CCT7: variants seen among roughly 807,000 people sequenced by gnomAD.
CCT7 encodes the protein T-complex protein 1 subunit eta.
In CCT7, 16 loss-of-function variants were observed where a neutral mutation model predicts 56.6. The observed-to-expected ratio is 0.28, with a 90% CI of 0.19 to 0.43. The LOEUF is 0.43. CCT7 is among the 20% of genes least tolerant of loss of function. CCT7 has a pLI of 1.00. For missense variants in CCT7, 519 were observed against 685.6 expected, an observed-to-expected ratio of 0.76 and a Z score of 2.71; for synonymous variants, 262 against 254.8, an observed-to-expected ratio of 1.03 and a Z score of -0.27.
intron 7 of CCT7, 121 bp downstream of exon 7, chr2:73,248,047 A>G (rs1008377953): frequency 8.2e-5 from 68 of 832,228 alleles, no homozygotes; most frequent in Non-Finnish European, 1.2e-4. Context: ...ATTGATGTCT[A>G]AGTACTAGGC....
chr2:73,239,502 G>A, intron 1 of CCT7, 141 bp from the exon 2 acceptor site: 3 of 719,130 alleles, frequency 4.2e-6, no homozygotes, highest in Non-Finnish European at 6.8e-6. Flanking sequence ...GAATGGATGT[G>A]GTAGACAGTT....
intron 8 of CCT7, among the ~76,000 whole-genome samples, chr2:73,249,536 GGA>G (rs1007472432): frequency 2.0e-5 from 3 of 152,180 alleles, no homozygotes; most frequent in African/African-American, 7.2e-5. Flanking sequence ...TTCAGTTGCT[GGA>G]CCCAGTGCCA....
intron 10 of CCT7, 26 bp from the exon 11 acceptor site, chr2:73,251,200 A>C: frequency 6.2e-7 from 1 of 1,609,474 alleles, no homozygotes; most frequent in Non-Finnish European, 8.5e-7. Flanking sequence ...GCCCTCTTAC[A>C]TTGAGAGGTG....
At chr2:73,246,366 C>T (rs1483019539) in intron 6 of CCT7, among the ~76,000 whole-genome samples, 1 of 152,232 alleles carries the variant, frequency 6.6e-6, no homozygotes, top group Non-Finnish European at 1.5e-5. Context: ...AATCTGGGAT[C>T]ATCCTTGAAA....
chr2:73,246,323 G>T (rs1687334580), intron 6 of CCT7, among the ~76,000 whole-genome samples: 1 of 152,170 alleles, frequency 6.6e-6, no homozygotes, highest in Admixed American at 6.5e-5. Flanking sequence ...CATAGTTGGT[G>T]TCACCACCGT....
At position 73,252,324 on chromosome 2, in the gene CCT7, GATATATAT is replaced by G. The variant is rs57359293; in HGVS notation, c.1411-296_1411-289del. ...TGTTTATCTTGAGAACTCATTGTTT[GATATATAT>G]ATATATATATATATATATAGTCCTC... On this transcript the variant is annotated intron_variant, in intron 11 of 11. Transcript: ENST00000258091. 9.2e-3 allele frequency among the ~76,000 whole-genome samples: 1,169 copies of G among 127,332 alleles called. 25 individuals are homozygous for G. The highest frequency in any genetic ancestry group is 0.033 in the African/African-American group (1,076 of 33,048). 83.5% of individuals were successfully genotyped at this position (127,332 alleles called of 152,430 possible).
At chr2:73,239,126 A>T (rs1686998846) in intron 1 of CCT7, 1 of 152,674 alleles carries the variant, frequency 6.5e-6, no homozygotes. Context: ...GCTGAACATC[A>T]CTGTTACATA....
chr2:73,251,445 T>A lies in CCT7; in HGVS notation c.1410+13T>A. The A allele has an allele frequency of 3.8e-6, 3 of 784,282 alleles. No individual in the cohort carries two copies. The highest frequency in any genetic ancestry group is 6.1e-6 in the Non-Finnish European group (3 of 488,082). 48.6% of individuals were successfully genotyped at this position (784,282 alleles called of 1,614,324 possible). On this transcript the variant is annotated intron_variant, in intron 11 of 11. Coordinates refer to ENST00000258091, the MANE Select transcript of CCT7 (RefSeq NM_006429.4). ...TCGGCATGCCCAGGTGGGTCCTTTCTCTCCCCAGGGTTCAGGGTTTGGGCG... is the reference window on the plus strand; with the variant it reads ...TCGGCATGCCCAGGTGGGTCCTTTCACTCCCCAGGGTTCAGGGTTTGGGCG...
intron 1 of CCT7, among the ~76,000 whole-genome samples, chr2:73,236,015 G>C (rs1050443498): frequency 3.3e-5 from 5 of 152,184 alleles, no homozygotes; most frequent in Admixed American, 1.3e-4. Flanking sequence ...TTTTTGGAAT[G>C]TGAAACTTCT....
Position 73,249,174 on chromosome 2 carries a change from A to T in CCT7, c.967A>T (p.Met323Leu). 1 of 1,600,262 alleles carries T rather than the reference A, an allele frequency of 6.2e-7. No homozygotes were observed. Among genetic ancestry groups the T allele is most frequent in the Non-Finnish European group, 8.5e-7 (1 of 1,170,168 alleles). ...RVPEEDLKRT[M>L]MACGGSIQTS... ...ACCTGAGGAGGATCTGAAGAGGACA[A>T]TGATGGTAACCAGATTTTCACAGGC... The change falls in exon 8 of 12, where the codon ATG (methionine) becomes TTG (leucine). Residue 323 changes from methionine to leucine, a missense_variant. Physicochemically the swap from Met to Leu is conservative, Grantham distance 15. This residue lies in a region of CCT7 where 237 missense variants were observed against 300.8 expected (regional missense o/e 0.79). Coordinates refer to ENST00000258091, the MANE Select transcript of CCT7 (RefSeq NM_006429.4).
At chr2:73,239,885 C>T in intron 2 of CCT7, 89 bp downstream of exon 2, 1 of 1,130,522 alleles carries the variant, frequency 8.8e-7, no homozygotes. Flanking sequence ...TATCAGAAAT[C>T]CCACTGCTTT....
At chr2:73,250,874 A>G (rs2103809740) in intron 10 of CCT7, among the ~76,000 whole-genome samples, 1 of 151,814 alleles carries the variant, frequency 6.6e-6, no homozygotes, top group East Asian at 1.9e-4. Context: ...CAGGAGTTGG[A>G]GGTTACAGTG....
rs552316705 is a variant in CCT7, at chr2:73,242,332, T to C, written c.268-672T>C. On this transcript the variant is annotated intron_variant, in intron 3 of 11. Transcript: ENST00000258091. ...TCTCACTCTGTCGCCCAGGCTGGAGTGCTGTGGTGCGATCTTGGCTCACTG... is the reference window on the plus strand; with the variant it reads ...TCTCACTCTGTCGCCCAGGCTGGAGCGCTGTGGTGCGATCTTGGCTCACTG... Among the ~76,000 whole-genome samples the C allele has an allele frequency of 6.6e-5, 10 of 152,200 alleles. No homozygotes were observed. The South Asian group carries it at 1.9e-3, about 28-fold the overall frequency.
intron 1 of CCT7, among the ~76,000 whole-genome samples, chr2:73,236,522 G>A (rs1427409231): frequency 6.6e-6 from 1 of 152,142 alleles, no homozygotes; most frequent in Non-Finnish European, 1.5e-5. Context: ...TGTATTTTTA[G>A]TAGAGACGGG....
At chr2:73,246,012 C>A (rs1687316538) in intron 6 of CCT7, among the ~76,000 whole-genome samples, 1 of 152,166 alleles carries the variant, frequency 6.6e-6, no homozygotes, top group South Asian at 2.1e-4. Context: ...CATTTCTAAT[C>A]TACATAGATT....
At chr2:73,245,226 T>C (rs188746761) in intron 6 of CCT7, among the ~76,000 whole-genome samples, 3 of 152,268 alleles carry the variant, frequency 2.0e-5, no homozygotes, top group Admixed American at 2.0e-4. Flanking sequence ...AGAATTACTT[T>C]GTGCATATAT....
At chr2:73,243,925 T>C in intron 4 of CCT7, 72 bp from the exon 5 acceptor site, 12 of 1,370,482 alleles carry the variant, frequency 8.8e-6, no homozygotes, top group South Asian at 1.2e-5. Flanking sequence ...CTCAGGACTA[T>C]TGAGAGATTG....
chr2:73,240,711 C>T (rs185084241), intron 3 of CCT7, among the ~76,000 whole-genome samples, 168 bp downstream of exon 3: 9 of 152,168 alleles, frequency 5.9e-5, no homozygotes, highest in Admixed American at 3.3e-4. Flanking sequence ...CATACTATTT[C>T]GTTACATGTA....
intron 7 of CCT7, among the ~76,000 whole-genome samples, chr2:73,248,783 T>A (rs1346175099): frequency 6.6e-6 from 1 of 152,164 alleles, no homozygotes; most frequent in Non-Finnish European, 1.5e-5. Context: ...ACTTTCTGCT[T>A]TTGTGTTGGG....
Sources: allele counts gnomAD v4.1 joint callset (sites outside exome capture counted in the v4.1 genomes callset), GRCh38; gene constraint gnomAD v4.1.1; regional missense constraint gnomAD v4.1.1; transcripts MANE v1.5; gene names NCBI Gene and HGNC (gene_info 2026-07-23, HGNC 2026-07-21).